Variants in OXTR observed in about 807,000 individuals in gnomAD.
The protein encoded by OXTR is oxytocin receptor.
OXTR carries 19 observed loss-of-function variants against 23.9 expected under a neutral mutation model. That is an observed-to-expected ratio of 0.80 (90% CI 0.56 to 1.17). OXTR has a LOEUF of 1.17. OXTR is among the 50% of genes most tolerant of loss of function. The pLI is 0.00. For synonymous variants in OXTR, 278 were observed against 250.5 expected (o/e 1.11, Z -1.04); for missense variants, 500 against 550.7 (o/e 0.91, Z 0.92).
At chr3:8,742,862 T>C in the OXTR span, among the ~76,000 whole-genome samples, 13,624 of 152,206 alleles carry the variant, frequency 0.09, 810 homozygotes, top group Non-Finnish European at 0.14. Context: ...TTCATTGCTA[T>C]AAAGGAATAC....
At chr3:8,754,176 G>A (rs1708327183) in intron 3 of OXTR, among the ~76,000 whole-genome samples, 1 of 152,228 alleles carries the variant, frequency 6.6e-6, no homozygotes, top group Admixed American at 6.5e-5. Context: ...TTATACTGAG[G>A]ACTCATGGAG....
At chr3:8,766,690 C>A (rs1012917013) in intron 3 of OXTR, among the ~76,000 whole-genome samples, 8 of 151,954 alleles carry the variant, frequency 5.3e-5, no homozygotes, top group Non-Finnish European at 1.2e-4. Context: ...CCCTTGGACT[C>A]CTCTGCCCCC....
chr3:8,767,700 C>A lies in OXTR; in HGVS notation c.488G>T (p.Gly163Val). The change falls in exon 3 of 4, where the codon GGC becomes GTC. Residue 163 changes from glycine to valine, a missense_variant. Gly to Val is a moderately radical substitution (Grantham distance 109). Coordinates refer to ENST00000316793, the MANE Select transcript of OXTR (RefSeq NM_000916.4). Reference protein sequence around the residue: ...DRLAVLATWLGCLVASAPQVH... With the variant: ...DRLAVLATWLVCLVASAPQVH... ...CTGCGGCGCGCTGGCCACCAGGCAG[C>A]CGAGCCACGTGGCGAGCACTGCCAG... 1.2e-6 allele frequency: 2 copies of A among 1,609,320 alleles called. No individual in the cohort carries two copies. The highest frequency in any genetic ancestry group is 1.3e-5 in the African/African-American group (1 of 74,880).
At chr3:8,767,111 C>T (rs1194904805) in intron 3 of OXTR, among the ~76,000 whole-genome samples, 155 bp downstream of exon 3, 1 of 152,182 alleles carries the variant, frequency 6.6e-6, no homozygotes, top group Non-Finnish European at 1.5e-5. Flanking sequence ...CCCTAAGTCA[C>T]TTGGTCAAGG....
rs998966673 is a variant in OXTR, at chr3:8,751,357, C to T, written c.*1620G>A. The T allele has an allele frequency of 6.6e-6, 1 of 152,104 alleles. No individual in the cohort carries two copies. Among genetic ancestry groups the T allele is most frequent in the African/African-American group, 2.4e-5 (1 of 41,386 alleles). 9.4% of individuals were successfully genotyped at this position (152,104 alleles called of 1,614,324 possible). On this transcript the variant is annotated 3_prime_UTR_variant, in exon 4 of 4. Transcript: ENST00000316793. ...TATCTTTTCACCTTCTTGATAGGGT[C>T]TTTTCAATCACAAAAGCTTCAAATC...
At chr3:8,758,085 C>T (rs1253655314) in intron 3 of OXTR, among the ~76,000 whole-genome samples, 5 of 152,096 alleles carry the variant, frequency 3.3e-5, no homozygotes, top group Non-Finnish European at 5.9e-5. Context: ...ACACACCAAA[C>T]GCCAACATCC....
At chr3:8,765,715 G>A (rs994269561) in intron 3 of OXTR, among the ~76,000 whole-genome samples, 6 of 152,142 alleles carry the variant, frequency 3.9e-5, no homozygotes, top group Non-Finnish European at 8.8e-5. Flanking sequence ...CTCATCATGT[G>A]TCCTTCATAA....
rs1708694664 is a variant in OXTR at position 8,768,594 on chromosome 3, G to C, written c.-238-3C>G. ...CTCGGGATGTTCAGCGGCTTCCACT[G>C]GGGGAGAAGGGAGGGTCAAAATCAG... On this transcript the variant is annotated splice_polypyrimidine_tract_variant and splice_region_variant and intron_variant, in intron 1 of 3. Coordinates refer to ENST00000316793, the MANE Select transcript of OXTR (RefSeq NM_000916.4). The surrounding 1 kb of genome is among the most constrained non-coding windows in gnomAD (Gnocchi z 5.4). 5.9e-6 allele frequency: 1 copy of C among 168,430 alleles called. No homozygotes were observed. Among genetic ancestry groups the C allele is most frequent in the South Asian group, 2.0e-4 (1 of 4,974 alleles). The allele number at this position is 168,430 out of a possible 1,614,324, so 10.4% of individuals were successfully genotyped here. A position where few individuals can be genotyped will look rare whatever the true frequency, so the allele number is the denominator to read the frequency against.
chr3:8,743,921 T>A, the OXTR span, among the ~76,000 whole-genome samples: 1 of 152,356 alleles, frequency 6.6e-6, no homozygotes, highest in East Asian at 1.9e-4. Flanking sequence ...ATGGCCATTT[T>A]TTTTATAATG....
intron 3 of OXTR, among the ~76,000 whole-genome samples, chr3:8,756,356 GAGA>G (rs967637310): frequency 3.9e-4 from 60 of 152,306 alleles, no homozygotes; most frequent in African/African-American, 8.4e-4. Flanking sequence ...GTAAAACTCA[GAGA>G]AGGAGAGTCA....
chr3:8,757,739 A>G (rs1260703299), intron 3 of OXTR, among the ~76,000 whole-genome samples: 1 of 152,006 alleles, frequency 6.6e-6, no homozygotes, highest in Non-Finnish European at 1.5e-5. Flanking sequence ...GGAAGGGAGG[A>G]TGCAGAGGAG....
In OXTR at chr3:8,753,229, G is replaced by C. The variant is rs1407397966; in HGVS notation, c.923-5C>G. 3.7e-6 allele frequency: 6 copies of C among 1,613,964 alleles called. No individual in the cohort carries two copies. Among genetic ancestry groups the C allele is most frequent in the African/African-American group, 1.3e-5 (1 of 75,034 alleles). The stretch of plus-strand genomic sequence containing the variant: ...TGACGATGATGAAGGCCGAGGCTGA[G>C]GGGGTGGGGGCAGGAGAAAGGAGAA... On this transcript the variant is annotated splice_region_variant and splice_polypyrimidine_tract_variant and intron_variant, in intron 3 of 3. Coordinates refer to ENST00000316793, the MANE Select transcript of OXTR (RefSeq NM_000916.4).
intron 3 of OXTR, among the ~76,000 whole-genome samples, chr3:8,753,452 C>T (rs1708312427): frequency 6.6e-6 from 1 of 152,192 alleles, no homozygotes; most frequent in South Asian, 2.1e-4. Flanking sequence ...CAGGCTTAGC[C>T]CAGGCTTGGA....
downstream of OXTR, among the ~76,000 whole-genome samples, chr3:8,747,970 C>A (rs1341093482): frequency 6.6e-6 from 1 of 152,190 alleles, no homozygotes; most frequent in African/African-American, 2.4e-5. Flanking sequence ...AGACAGGACA[C>A]ACATCTGAGA....
chr3:8,754,697 C>A (rs1291342565), intron 3 of OXTR, among the ~76,000 whole-genome samples: 1 of 152,198 alleles, frequency 6.6e-6, no homozygotes, highest in Non-Finnish European at 1.5e-5. Flanking sequence ...GTAGGCCCCC[C>A]TCCCAGAGCG....
chr3:8,746,016 G>C (rs1271530345), downstream of OXTR: 12 of 639,432 alleles, frequency 1.9e-5, no homozygotes, highest in Middle Eastern at 4.2e-4. Flanking sequence ...AGGGAAGCCA[G>C]AAAGAAAAGA....
rs901360287 is a variant in OXTR, at chr3:8,752,618, A to C, written c.*359T>G. 2 of 211,368 alleles carry C rather than the reference A, an allele frequency of 9.5e-6. No individual in the cohort carries two copies. The highest frequency in any genetic ancestry group is 4.6e-5 in the African/African-American group (2 of 43,660). The allele number at this position is 211,368 out of a possible 1,614,324, so 13.1% of individuals were successfully genotyped here. A position where few individuals can be genotyped will look rare whatever the true frequency, so the allele number is the denominator to read the frequency against. On this transcript the variant is annotated 3_prime_UTR_variant, in exon 4 of 4. Coordinates refer to ENST00000316793, the MANE Select transcript of OXTR (RefSeq NM_000916.4). ...TCCAGAACACTGGACTTCCTGACCC[A>C]ATTGGTCACCAATCCTATATTTACC...
chr3:8,764,275 G>A (rs1282699515), intron 3 of OXTR, among the ~76,000 whole-genome samples: 1 of 152,296 alleles, frequency 6.6e-6, no homozygotes, highest in Non-Finnish European at 1.5e-5. Flanking sequence ...ACAGACCCAT[G>A]TGTGCCCCAC....
At chr3:8,766,359 C>T (rs1708606606) in intron 3 of OXTR, among the ~76,000 whole-genome samples, 1 of 152,122 alleles carries the variant, frequency 6.6e-6, no homozygotes, top group Non-Finnish European at 1.5e-5. Flanking sequence ...AGCTTTCTCC[C>T]TAGGTCGCCC....
Sources: allele counts gnomAD v4.1 joint callset (sites outside exome capture counted in the v4.1 genomes callset), GRCh38; gene constraint gnomAD v4.1.1; non-coding constraint Gnocchi (gnomAD v3.1); transcripts MANE v1.5; gene names NCBI Gene and HGNC (gene_info 2026-07-23, HGNC 2026-07-21).